Variants in TMEM260 observed in about 807,000 individuals in gnomAD.
TMEM260 encodes the protein transmembrane protein 260.
Under a neutral mutation model 88.9 loss-of-function variants are expected in TMEM260, and 82 were observed. The ratio of observed to expected loss-of-function variants is 0.92; its 90% CI spans 0.77 to 1.11. The LOEUF (loss-of-function observed/expected upper bound fraction) is 1.11. TMEM260 is among the 50% of genes least tolerant of loss of function. The probability of loss-of-function intolerance (pLI) is 0.00; values close to 1 mark genes in which losing one functional copy is unlikely to be tolerated. For synonymous variants in TMEM260, 314 were observed against 309.3 expected (o/e 1.02, Z -0.16); for missense variants, 902 against 853.4 (o/e 1.06, Z -0.71).
chr14:56,623,067 C>A (rs1266622203), intron 11 of TMEM260, among the ~76,000 whole-genome samples: 1 of 152,180 alleles, frequency 6.6e-6, no homozygotes, highest in Admixed American at 6.5e-5. Flanking sequence ...TCTGTCACTT[C>A]CTGGATATGT....
intron 3 of TMEM260, among the ~76,000 whole-genome samples, chr14:56,596,425 T>TATACAC (rs1490067903): frequency 6.4e-4 from 87 of 135,614 alleles, no homozygotes; most frequent in South Asian, 1.1e-3. Context: ...TATATATATA[T>TATACAC]ACATACACAC....
Position 56,636,585 on chromosome 14 carries a change from C to A in TMEM260, c.1856C>A (p.Ala619Asp). ...TCAAAAGTGAAAGCTCAACTCTACG[C>A]TCAAGCATATGACGTATGTTACACT... is the stretch of plus-strand genomic sequence containing the variant. Reference protein sequence around the residue: ...MPSKVKAQLYAQAYDLYKEIV... With the variant: ...MPSKVKAQLYDQAYDLYKEIV... Residue 619 changes from alanine to aspartate, a missense_variant, in exon 15 of 16, where the codon GCT (alanine) becomes GAT (aspartate). By Grantham distance (126) the Ala-to-Asp change is moderately radical. Transcript: ENST00000261556. 1 of 1,613,838 alleles carries A rather than the reference C, an allele frequency of 6.2e-7. No individual in the cohort carries two copies. Among genetic ancestry groups the A allele is most frequent in the Non-Finnish European group, 8.5e-7 (1 of 1,179,818 alleles).
intron 3 of TMEM260, among the ~76,000 whole-genome samples, chr14:56,591,585 C>T (rs968422228): frequency 2.6e-5 from 4 of 152,204 alleles, no homozygotes; most frequent in Admixed American, 1.3e-4. Context: ...TCCTTTTAAC[C>T]AATTTCAGTC....
intron 3 of TMEM260, among the ~76,000 whole-genome samples, chr14:56,599,828 C>T (rs1886460375): frequency 6.6e-6 from 1 of 152,162 alleles, no homozygotes; most frequent in South Asian, 2.1e-4. Flanking sequence ...TAAGCCCATA[C>T]AAAATGGTAG....
intron 12 of TMEM260, 25 bp downstream of exon 12, chr14:56,625,555 C>T (rs1008346730): frequency 6.4e-7 from 1 of 1,551,294 alleles, no homozygotes; most frequent in Non-Finnish European, 8.8e-7. Flanking sequence ...TATATAATAG[C>T]TTTTCTAAAA....
chr14:56,627,944 ATCTGT>A (rs966838476), intron 12 of TMEM260, among the ~76,000 whole-genome samples: 2 of 152,172 alleles, frequency 1.3e-5, no homozygotes, highest in Non-Finnish European at 2.9e-5. Context: ...GCAACCACTG[ATCTGT>A]TCTTCATTAT....
downstream of TMEM260, among the ~76,000 whole-genome samples, chr14:56,653,665 C>G (rs1243644976): frequency 7.1e-6 from 1 of 141,040 alleles, no homozygotes; most frequent in Non-Finnish European, 1.5e-5. Flanking sequence ...ACCTAGGAAG[C>G]AGAGGTTGCA....
chr14:56,596,406 G>GTGTATATATA (rs1290307932), intron 3 of TMEM260, among the ~76,000 whole-genome samples: 4 of 111,320 alleles, frequency 3.6e-5, no homozygotes. Context: ...GTGTGTGTGT[G>GTGTATATATA]TATATATATA....
At chr14:56,609,954 A>G (rs1887150025) in intron 6 of TMEM260, among the ~76,000 whole-genome samples, 1 of 152,130 alleles carries the variant, frequency 6.6e-6, no homozygotes, top group South Asian at 2.1e-4. Context: ...CTTGGTTTGT[A>G]CTTTTGTGTC....
chr14:56,613,786 G>A (rs1179071313), intron 7 of TMEM260: 1 of 151,894 alleles, frequency 6.6e-6, no homozygotes, highest in African/African-American at 2.4e-5. Flanking sequence ...GGCACTGAGT[G>A]CGGTGGCTAA....
chr14:56,635,130 C>G (rs1013838933), intron 14 of TMEM260, among the ~76,000 whole-genome samples, 178 bp downstream of exon 14: 3 of 152,144 alleles, frequency 2.0e-5, no homozygotes, highest in South Asian at 4.1e-4. Context: ...AGTTCATCCA[C>G]ACAATAACCT....
chr14:56,658,532 G>A, the TMEM260 span, among the ~76,000 whole-genome samples: 4 of 150,920 alleles, frequency 2.7e-5, no homozygotes, highest in South Asian at 2.1e-4. Flanking sequence ...CACCGCACCC[G>A]GCCTTAATTT....
At chr14:56,622,967 CTA>C (rs1299246367) in intron 11 of TMEM260, among the ~76,000 whole-genome samples, 1 of 152,104 alleles carries the variant, frequency 6.6e-6, no homozygotes, top group Non-Finnish European at 1.5e-5. Context: ...TGGTTCCACA[CTA>C]TGATTTTAAA....
intron 15 of TMEM260, among the ~76,000 whole-genome samples, chr14:56,638,937 G>GATGGGCTTCTCAAGATATGGTACATGT (rs2139643455): frequency 6.6e-6 from 1 of 152,236 alleles, no homozygotes; most frequent in Non-Finnish European, 1.5e-5. Context: ...AACGAAGAAT[G>GATGGGCTTCTCAAGATATGGTACATGT]ATGGGCTTCT....
Position 56,596,381 on chromosome 14 carries a change from A to AGAGTGTGTGTGTGTGT in TMEM260, c.345-7433_345-7432insAGTGTGTGTGTGTGTG, listed in dbSNP as rs1555334739. ...GGACACACACACATATATATGTGAG[A>AGAGTGTGTGTGTGTGT]GTGTGTGTGTGTGTGTGTGTGTGTG... is the stretch of plus-strand genomic sequence containing the variant. On this transcript the variant is annotated intron_variant, in intron 3 of 15. Transcript: ENST00000261556. Among the ~76,000 whole-genome samples the AGAGTGTGTGTGTGTGT allele has an allele frequency of 5.5e-4, 69 of 126,584 alleles. 1 individual carries two copies. Among genetic ancestry groups the AGAGTGTGTGTGTGTGT allele is most frequent in the Admixed American group, 1.3e-3 (16 of 12,300 alleles). The allele number at this position is 126,584 out of a possible 152,430, so 83.0% of individuals were successfully genotyped here.
At chr14:56,625,789 A>G (rs1566561707) in intron 12 of TMEM260, among the ~76,000 whole-genome samples, 1 of 152,244 alleles carries the variant, frequency 6.6e-6, no homozygotes. Flanking sequence ...ATTCACAGAA[A>G]TTGGAGATGT....
At chr14:56,633,207 A>G (rs1005734322) in intron 13 of TMEM260, 36 bp downstream of exon 13, 4 of 1,527,012 alleles carry the variant, frequency 2.6e-6, no homozygotes, top group South Asian at 1.3e-5. Flanking sequence ...GCATATAAAC[A>G]TAGCAGTTTT....
At chr14:56,653,749 A>G (rs1164593012), downstream of TMEM260, among the ~76,000 whole-genome samples, 1 of 151,092 alleles carries the variant, frequency 6.6e-6, no homozygotes, top group Admixed American at 6.6e-5. Flanking sequence ...AACAAAAAAA[A>G]AAAAAACAGG....
chr14:56,585,139 C>T (rs1411161129), intron 2 of TMEM260, 107 bp downstream of exon 2: 2 of 1,006,684 alleles, frequency 2.0e-6, no homozygotes, highest in African/African-American at 3.3e-5. Context: ...TTTCAAACCC[C>T]CGTTTTTAGT....
Sources: allele counts gnomAD v4.1 joint callset (sites outside exome capture counted in the v4.1 genomes callset), GRCh38; gene constraint gnomAD v4.1.1; transcripts MANE v1.5; gene names NCBI Gene and HGNC (gene_info 2026-07-23, HGNC 2026-07-21).